The following SHANK2 variants were observed in gnomAD, a reference collection of about 807,000 sequenced individuals.
The protein encoded by SHANK2 is SH3 and multiple ankyrin repeat domains 2, also known as SH3 and multiple ankyrin repeat domains protein 2.
In SHANK2, 43 loss-of-function variants were observed where a neutral mutation model predicts 133.7. The observed-to-expected ratio is 0.32, with a 90% CI of 0.25 to 0.41. The LOEUF is 0.41. Ranked by LOEUF, SHANK2 falls within the 10% of genes least tolerant of loss-of-function variation. The probability of loss-of-function intolerance (pLI) is 1.00; values close to 1 mark genes in which losing one functional copy is unlikely to be tolerated. For synonymous variants in SHANK2, 1,017 were observed against 952.8 expected (o/e 1.07, Z -1.24); for missense variants, 1,994 against 2,235.8 (o/e 0.89, Z 2.18).
chr11:70,869,067 C>T (rs781833222), intron 11 of SHANK2, among the ~76,000 whole-genome samples: 1 of 152,136 alleles, frequency 6.6e-6, no homozygotes, highest in Admixed American at 6.5e-5. Flanking sequence ...ATCCAACTGG[C>T]GTCCTTACAA....
intron 3 of SHANK2, among the ~76,000 whole-genome samples, chr11:71,138,440 G>A (rs11232226): frequency 0.098 from 14,929 of 152,258 alleles, 1,841 homozygotes; most frequent in African/African-American, 0.29. Flanking sequence ...AAATCCTGAA[G>A]GTGGAGGAGG....
chr11:71,183,239 G>A (rs1953596636), intron 2 of SHANK2, among the ~76,000 whole-genome samples: 1 of 152,196 alleles, frequency 6.6e-6, no homozygotes, highest in African/African-American at 2.4e-5. Context: ...CCAAGTGATG[G>A]AGGGACAAGG....
At chr11:70,923,948 C>T (rs1565408306) in intron 10 of SHANK2, among the ~76,000 whole-genome samples, 1 of 152,218 alleles carries the variant, frequency 6.6e-6, no homozygotes, top group Non-Finnish European at 1.5e-5. Flanking sequence ...GACCGGTGAA[C>T]CACTGCCCAG....
chr11:70,515,465 C>T, intron 17 of SHANK2, among the ~76,000 whole-genome samples: 1 of 151,776 alleles, frequency 6.6e-6, no homozygotes, highest in East Asian at 1.9e-4. Context: ...TTTTTCTTTT[C>T]TGAGAAATTC....
At chr11:70,608,948 T>A (rs1248476921) in intron 17 of SHANK2, among the ~76,000 whole-genome samples, 1 of 152,236 alleles carries the variant, frequency 6.6e-6, no homozygotes, top group South Asian at 2.1e-4. Flanking sequence ...CCATGCTAAT[T>A]AATTTCACTG....
chr11:70,660,408 C>T (rs562566879), intron 16 of SHANK2, among the ~76,000 whole-genome samples: 1 of 152,348 alleles, frequency 6.6e-6, no homozygotes, highest in African/African-American at 2.4e-5. Context: ...CGGAACATCA[C>T]GCTGACCCAG....
At chr11:70,741,279 CCATT>C (rs1379041805) in intron 14 of SHANK2, among the ~76,000 whole-genome samples, 23 of 143,722 alleles carry the variant, frequency 1.6e-4, no homozygotes, top group East Asian at 6.1e-4. Context: ...ATCCATCCAT[CCATT>C]CATCCATCCG....
At chr11:70,613,352 C>T (rs1194883619) in intron 17 of SHANK2, among the ~76,000 whole-genome samples, 1 of 152,024 alleles carries the variant, frequency 6.6e-6, no homozygotes, top group Non-Finnish European at 1.5e-5. Context: ...TACAGGCGCC[C>T]GTTGCCATGT....
chr11:70,686,241 CCCACCCACCCAT>C (rs1429902315), intron 15 of SHANK2, among the ~76,000 whole-genome samples: 1 of 108,462 alleles, frequency 9.2e-6, no homozygotes, highest in African/African-American at 3.5e-5. Flanking sequence ...CACCCACCCA[CCCACCCACCCAT>C]CCACACACCC....
chr11:70,811,230 C>T (rs1402213163), intron 12 of SHANK2, among the ~76,000 whole-genome samples: 2 of 152,166 alleles, frequency 1.3e-5, no homozygotes, highest in Non-Finnish European at 2.9e-5. Context: ...GGGTGAGCCA[C>T]AGAGCAGGAG....
intron 17 of SHANK2, among the ~76,000 whole-genome samples, chr11:70,585,104 G>T (rs1185175869): frequency 6.6e-6 from 1 of 152,234 alleles, no homozygotes; most frequent in Admixed American, 6.5e-5. Context: ...CTCTGAGCTG[G>T]CACAGCTCAG....
rs1951488867 is a variant in SHANK2 at position 71,090,368 on chromosome 11, G to A, written c.912+2054C>T. ...ACAACCTCTGTGTGTGTGTGTGTGT[G>A]TGTGTGTGTGTGTGTGTCCCCTGCT... On this transcript the variant is annotated intron_variant, in intron 8 of 25. Transcript: ENST00000601538. 1.6e-5 allele frequency among the ~76,000 whole-genome samples: 2 copies of A among 122,902 alleles called. 1 individual carries two copies. The highest frequency in any genetic ancestry group is 3.4e-5 in the Non-Finnish European group (2 of 58,586). The allele number at this position is 122,902 out of a possible 152,430, so 80.6% of individuals were successfully genotyped here. A position where few individuals can be genotyped will look rare whatever the true frequency, so the allele number is the denominator to read the frequency against.
intron 17 of SHANK2, among the ~76,000 whole-genome samples, chr11:70,558,212 C>T (rs10899156): frequency 0.55 from 83,779 of 152,034 alleles, 23,466 homozygotes; most frequent in South Asian, 0.7. Context: ...CGACTGGAGG[C>T]TCATTCACCT....
intron 17 of SHANK2, among the ~76,000 whole-genome samples, chr11:70,539,541 G>A (rs2059590108): frequency 6.6e-6 from 1 of 151,674 alleles, no homozygotes; most frequent in African/African-American, 2.4e-5. Flanking sequence ...CACTCGCCAC[G>A]CTCACTCACC....
At chr11:70,547,876 A>G (rs1389816823) in intron 17 of SHANK2, among the ~76,000 whole-genome samples, 3 of 152,236 alleles carry the variant, frequency 2.0e-5, no homozygotes, top group East Asian at 3.8e-4. Flanking sequence ...AGCCCCTGCA[A>G]GCCCGAGGCT....
intron 10 of SHANK2, among the ~76,000 whole-genome samples, chr11:70,955,130 C>T (rs1950899323): frequency 6.6e-6 from 1 of 152,212 alleles, no homozygotes; most frequent in African/African-American, 2.4e-5. Context: ...AAAATGGAGC[C>T]ATTCTGAACG....
chr11:70,776,129 A>G (rs1947360939), intron 14 of SHANK2, among the ~76,000 whole-genome samples: 1 of 152,220 alleles, frequency 6.6e-6, no homozygotes. Context: ...CATCTGACAG[A>G]TGGCACATCA....
At chr11:71,245,884 A>G (rs1408882584) in intron 1 of SHANK2, among the ~76,000 whole-genome samples, 3 of 152,256 alleles carry the variant, frequency 2.0e-5, no homozygotes, top group Non-Finnish European at 2.9e-5. Context: ...GGGGTCAGAC[A>G]GGAGCCCGGC....
intron 14 of SHANK2, among the ~76,000 whole-genome samples, chr11:70,718,296 G>A (rs970175034): frequency 6.6e-6 from 1 of 152,220 alleles, no homozygotes; most frequent in East Asian, 1.9e-4. Context: ...CCTGCTTTCT[G>A]TGAAGGGGCA....
Sources: gnomAD v4.1 joint callset for allele counts (sites outside exome capture counted in the v4.1 genomes callset) on GRCh38, gnomAD v4.1.1 for gene constraint, MANE v1.5 for transcripts, NCBI Gene and HGNC (gene_info 2026-07-23, HGNC 2026-07-21) for gene names.